Variants in GUCA1C observed in about 807,000 individuals in gnomAD.
GUCA1C encodes the protein guanylate cyclase activator 1C, also known as guanylyl cyclase-activating protein 3.
In GUCA1C, 15 loss-of-function variants were observed where a neutral mutation model predicts 16.2. That is an observed-to-expected ratio of 0.93 (90% confidence interval 0.62 to 1.43). GUCA1C has a LOEUF of 1.43. Ranked by LOEUF, GUCA1C falls within the 40% of genes most tolerant of loss-of-function variation. GUCA1C has a pLI of 0.00. For missense variants in GUCA1C, 275 were observed against 244.8 expected, an observed-to-expected ratio of 1.12 and a Z score of -0.82; for synonymous variants, 78 against 85.4, an observed-to-expected ratio of 0.91 and a Z score of 0.48.
At chr3:108,924,724 C>G (rs1225238398) in intron 1 of GUCA1C, among the ~76,000 whole-genome samples, 2 of 151,956 alleles carry the variant, frequency 1.3e-5, no homozygotes, top group African/African-American at 4.8e-5. Context: ...GGTACCAATT[C>G]TTTTTTGACT....
At chr3:108,941,465 T>C (rs71321277) in intron 1 of GUCA1C, among the ~76,000 whole-genome samples, 3,851 of 152,272 alleles carry the variant, frequency 0.025, 77 homozygotes, top group Middle Eastern at 0.11. Context: ...GTAAAGATCT[T>C]TGGAGTCCCA....
chr3:108,936,955 T>C (rs1337569321), intron 1 of GUCA1C, among the ~76,000 whole-genome samples: 1 of 152,144 alleles, frequency 6.6e-6, no homozygotes, highest in Admixed American at 6.5e-5. Context: ...CTGGTGTATT[T>C]CATGAACATT....
At chr3:108,922,176 C>CAT (rs1946575980) in intron 1 of GUCA1C, among the ~76,000 whole-genome samples, 1 of 73,924 alleles carries the variant, frequency 1.4e-5, no homozygotes, top group Non-Finnish European at 3.6e-5. Context: ...CACACACACA[C>CAT]ACACACACAC....
chr3:108,930,553 C>A (rs1353983915), intron 1 of GUCA1C, among the ~76,000 whole-genome samples: 15 of 152,208 alleles, frequency 9.9e-5, no homozygotes, highest in Admixed American at 9.8e-4. Context: ...ATTTTCTACA[C>A]TGTGGATGTT....
intron 1 of GUCA1C, among the ~76,000 whole-genome samples, chr3:108,927,051 T>C (rs1284309261): frequency 6.6e-6 from 1 of 152,178 alleles, no homozygotes; most frequent in Non-Finnish European, 1.5e-5. Context: ...AGGCCAAAAA[T>C]AGGACCCCAA....
At chr3:108,949,405 G>C (rs920520403) in intron 1 of GUCA1C, among the ~76,000 whole-genome samples, 6 of 152,156 alleles carry the variant, frequency 3.9e-5, no homozygotes, top group African/African-American at 1.4e-4. Context: ...CGAAGGTCCA[G>C]CAAAGCTGCC....
intron 1 of GUCA1C, among the ~76,000 whole-genome samples, 190 bp from the exon 2 acceptor site, chr3:108,920,775 A>G (rs1946562604): frequency 6.6e-6 from 1 of 152,184 alleles, no homozygotes; most frequent in South Asian, 2.1e-4. Flanking sequence ...TAATTTTACA[A>G]TTAAGCGCCT....
At position 108,931,865 on chromosome 3, in the gene GUCA1C, C is replaced by CTTTT. The variant is rs59451506; in HGVS notation, c.205-11284_205-11281dup. On this transcript the variant is annotated intron_variant, in intron 1 of 3. Coordinates refer to ENST00000261047, the MANE Select transcript of GUCA1C (RefSeq NM_005459.4). ...AAGGGAACAGTTTTTTTTCTTCCTT[C>CTTTT]TTTTTTTTTTTTTTTTTTTTTGAGA... Among the ~76,000 whole-genome samples the CTTTT allele has an allele frequency of 2.1e-3, 230 of 110,096 alleles. 45 individuals carry two copies. The highest frequency in any genetic ancestry group is 5.4e-3 in the East Asian group (17 of 3,124). 72.2% of individuals were successfully genotyped at this position (110,096 alleles called of 152,430 possible). A position where few individuals can be genotyped will look rare whatever the true frequency, so the allele number is the denominator to read the frequency against.
At chr3:108,936,667 G>A (rs1479098173) in intron 1 of GUCA1C, among the ~76,000 whole-genome samples, 1 of 152,226 alleles carries the variant, frequency 6.6e-6, no homozygotes, top group East Asian at 1.9e-4. Context: ...GTTCAGTGCA[G>A]TGCGCTATTC....
intron 1 of GUCA1C, among the ~76,000 whole-genome samples, chr3:108,928,010 C>A (rs1029330096): frequency 1.3e-5 from 2 of 152,232 alleles, no homozygotes; most frequent in African/African-American, 4.8e-5. Flanking sequence ...CCTAGCGGAG[C>A]TACTGTGCTC....
chr3:108,919,661 A>G (rs1342440610), intron 2 of GUCA1C, among the ~76,000 whole-genome samples: 1 of 152,148 alleles, frequency 6.6e-6, no homozygotes, highest in Non-Finnish European at 1.5e-5. Context: ...AGTTCTACTC[A>G]CTTATTTTTC....
At chr3:108,949,585 G>C (rs974035942) in intron 1 of GUCA1C, among the ~76,000 whole-genome samples, 1 of 152,170 alleles carries the variant, frequency 6.6e-6, no homozygotes, top group African/African-American at 2.4e-5. Context: ...TAGGGCATTG[G>C]TCAATTACAT....
chr3:108,945,995 A>G (rs941694969), intron 1 of GUCA1C, among the ~76,000 whole-genome samples: 1 of 152,224 alleles, frequency 6.6e-6, no homozygotes, highest in African/African-American at 2.4e-5. Flanking sequence ...TATTTACTCT[A>G]TGGAAATCAG....
chr3:108,949,239 A>G (rs1364522247), intron 1 of GUCA1C, among the ~76,000 whole-genome samples: 1 of 152,116 alleles, frequency 6.6e-6, no homozygotes, highest in African/African-American at 2.4e-5. Flanking sequence ...ATTCAGCTCA[A>G]TTTAAGGAGT....
intron 1 of GUCA1C, among the ~76,000 whole-genome samples, chr3:108,922,184 CACACACACACACACACACATAT>C (rs758066942): frequency 0.16 from 13,519 of 86,232 alleles, 699 homozygotes; most frequent in Non-Finnish European, 0.21. Flanking sequence ...CACACACACA[CACACACACACACACACACATAT>C]ATATATGGAT....
At chr3:108,912,166 G>A (rs114634576) in intron 3 of GUCA1C, among the ~76,000 whole-genome samples, 3,703 of 146,350 alleles carry the variant, frequency 0.025, 180 homozygotes, top group African/African-American at 0.088. Context: ...CACCTTCACC[G>A]TTTGTTATTA....
At position 108,920,595 on chromosome 3, in the gene GUCA1C, G is replaced by A; in HGVS notation, c.205-10C>T. ...AGTCAACAAATCCATCCTATGGAAA[G>A]TAAGATGAAAAGAGAAATAAATATT... On this transcript the variant is annotated splice_polypyrimidine_tract_variant and intron_variant, in intron 1 of 3. Transcript: ENST00000261047. The A allele has an allele frequency of 7.1e-7, 1 of 1,410,498 alleles. No individual in the cohort carries two copies. The highest frequency in any genetic ancestry group is 1.0e-6 in the Non-Finnish European group (1 of 1,003,916). 87.4% of individuals were successfully genotyped at this position (1,410,498 alleles called of 1,614,324 possible).
intron 1 of GUCA1C, among the ~76,000 whole-genome samples, chr3:108,923,926 G>T (rs1946594490): frequency 6.6e-6 from 1 of 152,130 alleles, no homozygotes; most frequent in African/African-American, 2.4e-5. Context: ...GAAAGGGGTT[G>T]AGTTCTTAAC....
At chr3:108,934,808 C>T (rs867842436) in intron 1 of GUCA1C, among the ~76,000 whole-genome samples, 14 of 86,102 alleles carry the variant, frequency 1.6e-4, no homozygotes, top group African/African-American at 2.4e-4. Context: ...TGTTCTTGAT[C>T]TTTTTTTTTT....
Sources: gnomAD v4.1 joint callset for allele counts (sites outside exome capture counted in the v4.1 genomes callset) on GRCh38, gnomAD v4.1.1 for gene constraint, MANE v1.5 for transcripts, NCBI Gene and HGNC (gene_info 2026-07-23, HGNC 2026-07-21) for gene names.